The following CCDC66 variants were observed in gnomAD, a reference collection of about 807,000 sequenced individuals.
The protein encoded by CCDC66 is coiled-coil domain-containing protein 66.
CCDC66 carries 133 observed loss-of-function variants against 128.3 expected under a neutral mutation model. The observed-to-expected ratio is 1.04, with a 90% CI of 0.90 to 1.20. The LOEUF (loss-of-function observed/expected upper bound fraction) is 1.20. Ranked by LOEUF, CCDC66 falls within the 50% of genes most tolerant of loss-of-function variation. The pLI is 0.00. For synonymous variants in CCDC66, 387 were observed against 357.0 expected (o/e 1.08, Z -0.95); for missense variants, 1,126 against 1,075.5 (o/e 1.05, Z -0.66).
chr3:56,559,057 C>G (rs2064748852), intron 2 of CCDC66, 147 bp downstream of exon 2: 2 of 631,118 alleles, frequency 3.2e-6, no homozygotes, highest in Non-Finnish European at 5.4e-6. Flanking sequence ...TGCAGATTTC[C>G]TTCTAGCCAA....
rs1489030370 is a variant in CCDC66 at position 56,617,590 on chromosome 3, G to A, written c.2322G>A (p.Trp774Ter). 6 of 1,599,424 alleles carry A rather than the reference G, an allele frequency of 3.8e-6. No individual in the cohort carries two copies. Among genetic ancestry groups the A allele is most frequent in the Admixed American group, 3.6e-5 (2 of 55,826 alleles). ...SHQETESKLR[W>*]HLVKKEEEPL... is the part of the protein sequence containing the mutation. Reference sequence around the variant, plus strand: ...AAGAAACGGAGTCAAAGTTGAGGTGGCATCTAGTCAAAAAGGTAAAGCTCT... The same window carrying A: ...AAGAAACGGAGTCAAAGTTGAGGTGACATCTAGTCAAAAAGGTAAAGCTCT... Residue 774 changes from tryptophan (W) to a stop codon, truncating the protein, a stop_gained, in exon 14 of 18, where the codon TGG becomes TGA. Coordinates refer to ENST00000394672, the MANE Select transcript of CCDC66 (RefSeq NM_001141947.3). LOFTEE classifies it high-confidence loss of function.
At chr3:56,560,646 G>A (rs1020579975) in intron 3 of CCDC66, among the ~76,000 whole-genome samples, 1 of 152,106 alleles carries the variant, frequency 6.6e-6, no homozygotes, top group African/African-American at 2.4e-5. Context: ...CTTGAACCCT[G>A]GAGATGGAGG....
At position 56,601,877 on chromosome 3, in the gene CCDC66, A is replaced by G. The variant is rs180879902; in HGVS notation, c.1404+7849A>G. 9.6e-3 allele frequency among the ~76,000 whole-genome samples: 1,465 copies of G among 152,164 alleles called. 41 individuals carry two copies. The highest frequency in any genetic ancestry group is 0.032 in the African/African-American group (1,332 of 41,452). On this transcript the variant is annotated intron_variant, in intron 10 of 17. Transcript: ENST00000394672. ...GCTTAAGGAGATTTGGGGCTGAGAC[A>G]ATGGGGTTTTCTAAATATACAATCA... is the stretch of plus-strand genomic sequence containing the variant.
Position 56,617,241 on chromosome 3 carries a change from A to G in CCDC66, c.1973A>G (p.Asn658Ser), listed in dbSNP as rs746496214. 6.2e-7 allele frequency: 1 copy of G among 1,614,056 alleles called. No homozygotes were observed. Among genetic ancestry groups the G allele is most frequent in the East Asian group, 2.2e-5 (1 of 44,860 alleles). Reference sequence around the variant, plus strand: ...ATTGGACAGTTTAGCACCAAGAAAAACAAGCAAGAACTAACTCAGGATAAA... The same window carrying G: ...ATTGGACAGTTTAGCACCAAGAAAAGCAAGCAAGAACTAACTCAGGATAAA... ...ELIGQFSTKK[N>S]KQELTQDKGA... The change falls in exon 14 of 18, where the codon AAC becomes AGC. Residue 658 changes from asparagine to serine, a missense_variant. Asn to Ser is a conservative substitution (Grantham distance 46, BLOSUM62 1). Transcript: ENST00000394672.
chr3:56,558,291 G>C (rs890434901), intron 1 of CCDC66, among the ~76,000 whole-genome samples: 1 of 152,120 alleles, frequency 6.6e-6, no homozygotes, highest in Non-Finnish European at 1.5e-5. Flanking sequence ...GTTGGCAGTG[G>C]CTACTGTTAC....
chr3:56,613,649 A>G lies in CCDC66; in HGVS notation c.1465A>G (p.Arg489Gly). ...GAAGAAACAACTGGAGGAAGAGCAA[A>G]GAAAGAAGGAAGAACAAGAAGAGGA... ...RRKKQLEEEQ[R>G]KKEEQEEELR... The change falls in exon 11 of 18, where the codon AGA (arginine) becomes GGA (glycine). Residue 489 changes from arginine to glycine, a missense_variant. Arg to Gly is a moderately radical substitution (Grantham distance 125). Transcript: ENST00000394672. 2 of 1,614,126 alleles carry G rather than the reference A, an allele frequency of 1.2e-6. No homozygotes were observed. The highest frequency in any genetic ancestry group is 8.5e-7 in the Non-Finnish European group (1 of 1,179,974).
intron 7 of CCDC66, among the ~76,000 whole-genome samples, chr3:56,587,824 G>A (rs1398147482): frequency 6.6e-6 from 1 of 152,020 alleles, no homozygotes; most frequent in African/African-American, 2.4e-5. Flanking sequence ...AGCCGAGATC[G>A]CACCACTGCA....
At chr3:56,565,628 A>T (rs966240371) in intron 4 of CCDC66, among the ~76,000 whole-genome samples, 3 of 147,324 alleles carry the variant, frequency 2.0e-5, no homozygotes, top group Middle Eastern at 7.4e-3. Context: ...TATTATTATT[A>T]TTTTTTTAGA....
At chr3:56,615,405 A>C in intron 12 of CCDC66, 133 bp downstream of exon 12, 11 of 800,550 alleles carry the variant, frequency 1.4e-5, no homozygotes, top group African/African-American at 3.6e-5. Context: ...ATCACAGCTC[A>C]CTGCAACCTC....
rs1299094519 is a variant in CCDC66, at chr3:56,582,765, C to G, written c.937-10205C>G. On this transcript the variant is annotated intron_variant, in intron 7 of 17. Coordinates refer to ENST00000394672, the MANE Select transcript of CCDC66 (RefSeq NM_001141947.3). ...GATGAGTAGATACATAAACTTCGAT[C>G]TACATTAATGCTCAAGATAGTCATA... Among the ~76,000 whole-genome samples, 7 of 151,184 alleles carry G rather than the reference C, an allele frequency of 4.6e-5. 1 individual carries two copies. The highest frequency in any genetic ancestry group is 4.2e-4 in the South Asian group (2 of 4,802).
chr3:56,613,646 CAA>C lies in CCDC66; in HGVS notation c.1464_1465del (p.Arg489LysfsTer16). On this transcript the variant is annotated frameshift_variant, in exon 11 of 18. Transcript: ENST00000394672. LOFTEE classifies it high-confidence loss of function. ...KRRKKQLEEE[Q>X]RKKEEQEEEL... ...CAGGAAGAAACAACTGGAGGAAGAG[CAA>C]AGAAAGAAGGAAGAACAAGAAGAGG... 6.2e-7 allele frequency: 1 copy of C among 1,613,610 alleles called. No homozygotes were observed. Among genetic ancestry groups the C allele is most frequent in the Non-Finnish European group, 8.5e-7 (1 of 1,179,752 alleles).
chr3:56,582,376 C>A (rs1174261008), intron 7 of CCDC66, among the ~76,000 whole-genome samples: 1 of 151,696 alleles, frequency 6.6e-6, no homozygotes, highest in East Asian at 2.0e-4. Context: ...TGAGGCGATG[C>A]CCCACCTGCT....
At chr3:56,566,441 G>C (rs759862735) in intron 4 of CCDC66, among the ~76,000 whole-genome samples, 153 bp from the exon 5 acceptor site, 2 of 151,892 alleles carry the variant, frequency 1.3e-5, no homozygotes, top group African/African-American at 4.8e-5. Flanking sequence ...TTTTCTTTTT[G>C]ACAGGAAGGG....
chr3:56,582,555 T>C (rs2068584978), intron 7 of CCDC66, among the ~76,000 whole-genome samples: 1 of 151,208 alleles, frequency 6.6e-6, no homozygotes. Flanking sequence ...TTAAATACCC[T>C]TTAAGAATTG....
chr3:56,591,651 A>C (rs749347750), intron 7 of CCDC66, among the ~76,000 whole-genome samples: 2 of 152,258 alleles, frequency 1.3e-5, no homozygotes, highest in Admixed American at 6.5e-5. Context: ...AAAAATTGTT[A>C]AATCTTTTAC....
intron 10 of CCDC66, among the ~76,000 whole-genome samples, chr3:56,594,707 A>G (rs2071563698): frequency 6.6e-6 from 1 of 152,122 alleles, no homozygotes; most frequent in Admixed American, 6.6e-5. Context: ...AATCTAATGC[A>G]TAATATAAGA....
rs539734901 is a variant in CCDC66, at chr3:56,617,102, T to C, written c.1844-10T>C. Reference sequence around the variant, plus strand: ...ACAATTTTTAAAAATCATTTGCAACTTTTTTTTAGATGACTTAAATATAGG... The same window carrying C: ...ACAATTTTTAAAAATCATTTGCAACCTTTTTTTAGATGACTTAAATATAGG... On this transcript the variant is annotated splice_polypyrimidine_tract_variant and intron_variant, in intron 13 of 17. Transcript: ENST00000394672. 65 of 1,481,278 alleles carry C rather than the reference T, an allele frequency of 4.4e-5. No individual in the cohort carries two copies. The highest frequency in any genetic ancestry group is 5.9e-5 in the Non-Finnish European group (65 of 1,107,632). The allele number at this position is 1,481,278 out of a possible 1,614,324, so 91.8% of individuals were successfully genotyped here.
chr3:56,619,967 T>C, intron 17 of CCDC66, 66 bp downstream of exon 17: 2 of 1,529,740 alleles, frequency 1.3e-6, no homozygotes, highest in Non-Finnish European at 1.8e-6. Flanking sequence ...GGGGAACCTG[T>C]TGAACGGTTT....
intron 17 of CCDC66, 97 bp from the exon 18 acceptor site, chr3:56,621,435 C>T (rs538825379): frequency 2.8e-5 from 23 of 830,062 alleles, no homozygotes; most frequent in Middle Eastern, 4.9e-4. Context: ...TTATCCTAAG[C>T]GATATGTTTT....
Sources: gnomAD v4.1 joint callset for allele counts (sites outside exome capture counted in the v4.1 genomes callset) on GRCh38, gnomAD v4.1.1 for gene constraint, MANE v1.5 for transcripts, NCBI Gene and HGNC (gene_info 2026-07-23, HGNC 2026-07-21) for gene names.